Variants in PARP15 observed in about 807,000 individuals in gnomAD.
PARP15 encodes protein mono-ADP-ribosyltransferase PARP15.
PARP15 carries 50 observed loss-of-function variants against 62.1 expected under a neutral mutation model. That is an observed-to-expected ratio of 0.81 (90% CI 0.64 to 1.02). The LOEUF (loss-of-function observed/expected upper bound fraction) is 1.02. Among genes scored for constraint, PARP15 ranks in the 50% least tolerant of loss-of-function variants. PARP15 has a pLI of 0.00. For synonymous variants in PARP15, 309 were observed against 293.1 expected (o/e 1.05, Z -0.55); for missense variants, 820 against 826.5 (o/e 0.99, Z 0.10).
chr3:122,593,748 A>G (rs1427866630), intron 1 of PARP15, among the ~76,000 whole-genome samples: 1 of 152,128 alleles, frequency 6.6e-6, no homozygotes, highest in Admixed American at 6.6e-5. Context: ...CACCTGCCCC[A>G]AACTGGGAAA....
At chr3:122,603,716 G>T (rs1934971247) in intron 1 of PARP15, among the ~76,000 whole-genome samples, 1 of 152,142 alleles carries the variant, frequency 6.6e-6, no homozygotes, top group Admixed American at 6.5e-5. Context: ...GTATTCTCTG[G>T]GTGGGAGATC....
chr3:122,581,445 G>A (rs2080800039), intron 1 of PARP15, among the ~76,000 whole-genome samples: 1 of 152,012 alleles, frequency 6.6e-6, no homozygotes, highest in Non-Finnish European at 1.5e-5. Context: ...CCATCCTAAT[G>A]GGTATGAGGT....
intron 4 of PARP15, chr3:122,615,327 A>G (rs1432183848): frequency 1.5e-6 from 2 of 1,290,966 alleles, no homozygotes; most frequent in Admixed American, 2.3e-5. Context: ...TACTGTATGT[A>G]TTTGTTGTTA....
intron 2 of PARP15, among the ~76,000 whole-genome samples, chr3:122,608,156 T>C (rs931091883): frequency 3.3e-5 from 5 of 152,000 alleles, no homozygotes; most frequent in African/African-American, 9.7e-5. Context: ...TTTAGCTAAA[T>C]TTGGACTACT....
In PARP15 at chr3:122,636,279, G is replaced by A; in HGVS notation, c.*179G>A. The A allele has an allele frequency of 1.7e-6, 1 of 603,292 alleles. No homozygotes were observed. The highest frequency in any genetic ancestry group is 2.9e-6 in the Non-Finnish European group (1 of 350,810). 37.4% of individuals were successfully genotyped at this position (603,292 alleles called of 1,614,324 possible). A position where few individuals can be genotyped will look rare whatever the true frequency, so the allele number is the denominator to read the frequency against. ...ATTTGTAGCATACCTTTTTTTCTCA[G>A]CAAATTGATGGGTGGAAGCTGAGAA... On this transcript the variant is annotated 3_prime_UTR_variant, in exon 12 of 12. Coordinates refer to ENST00000464300, the MANE Select transcript of PARP15 (RefSeq NM_001113523.3).
intron 1 of PARP15, among the ~76,000 whole-genome samples, chr3:122,587,192 A>G (rs1390946090): frequency 6.6e-6 from 1 of 152,226 alleles, no homozygotes; most frequent in Non-Finnish European, 1.5e-5. Context: ...GTATCCATTC[A>G]CCTACTGCAG....
At chr3:122,585,756 A>G (rs903251768) in intron 1 of PARP15, among the ~76,000 whole-genome samples, 2 of 152,234 alleles carry the variant, frequency 1.3e-5, no homozygotes, top group Admixed American at 6.5e-5. Flanking sequence ...TTGATTTATC[A>G]CATGGACTCC....
At chr3:122,621,646 T>G in intron 8 of PARP15, 35 bp downstream of exon 8, 1 of 1,538,948 alleles carries the variant, frequency 6.5e-7, no homozygotes, top group East Asian at 2.3e-5. Context: ...AAAATTTGAG[T>G]GATACAAATT....
intron 1 of PARP15, among the ~76,000 whole-genome samples, chr3:122,590,652 T>G (rs1249350748): frequency 8.8e-6 from 1 of 113,944 alleles, no homozygotes; most frequent in East Asian, 2.2e-4. Flanking sequence ...TTACTACTTC[T>G]AAGGAGAGTG....
intron 1 of PARP15, among the ~76,000 whole-genome samples, chr3:122,583,407 G>A (rs6772212): frequency 0.37 from 56,384 of 151,676 alleles, 10,911 homozygotes; most frequent in Admixed American, 0.46. Flanking sequence ...GATTACAGGC[G>A]TGAGCCACCA....
intron 1 of PARP15, among the ~76,000 whole-genome samples, chr3:122,592,629 A>G (rs77930329): frequency 6.6e-6 from 1 of 152,102 alleles, no homozygotes; most frequent in Admixed American, 6.5e-5. Context: ...AAAAAAAAAA[A>G]AAGAAAACCA....
At chr3:122,584,972 C>T (rs944573249) in intron 1 of PARP15, among the ~76,000 whole-genome samples, 3 of 151,914 alleles carry the variant, frequency 2.0e-5, no homozygotes, top group African/African-American at 7.2e-5. Flanking sequence ...TGGTTTTTTT[C>T]CTTAAACCTA....
At chr3:122,630,704 A>G (rs1937014335) in intron 9 of PARP15, among the ~76,000 whole-genome samples, 1 of 152,094 alleles carries the variant, frequency 6.6e-6, no homozygotes, top group Non-Finnish European at 1.5e-5. Flanking sequence ...ATTAATAATA[A>G]TATACAAATA....
chr3:122,584,574 CTT>C (rs1295988177), intron 1 of PARP15, among the ~76,000 whole-genome samples: 1 of 136,636 alleles, frequency 7.3e-6, no homozygotes, highest in Non-Finnish European at 1.5e-5. Context: ...CATTTCTTTC[CTT>C]TTTTTTTTTT....
chr3:122,631,045 C>T (rs558637937), intron 9 of PARP15, among the ~76,000 whole-genome samples: 2 of 152,234 alleles, frequency 1.3e-5, no homozygotes, highest in South Asian at 2.1e-4. Context: ...ATAGAAGGCC[C>T]CCAAAAAACC....
intron 1 of PARP15, among the ~76,000 whole-genome samples, chr3:122,581,189 T>G (rs975505485): frequency 1.3e-5 from 2 of 152,184 alleles, no homozygotes; most frequent in African/African-American, 4.8e-5. Context: ...CTGTATCTCT[T>G]CAAGATCCTG....
intron 4 of PARP15, among the ~76,000 whole-genome samples, 186 bp downstream of exon 4, chr3:122,613,454 T>A (rs1420871131): frequency 6.6e-6 from 1 of 152,214 alleles, no homozygotes; most frequent in Non-Finnish European, 1.5e-5. Flanking sequence ...AGACAGTTCA[T>A]CAAGAGACAA....
intron 1 of PARP15, among the ~76,000 whole-genome samples, chr3:122,578,342 C>G: frequency 6.6e-6 from 1 of 152,126 alleles, no homozygotes; most frequent in South Asian, 2.1e-4. Context: ...TTCACTCATG[C>G]TTGCTTCTAG....
At chr3:122,632,051 G>A in intron 9 of PARP15, 35 bp from the exon 10 acceptor site, 1 of 1,613,618 alleles carries the variant, frequency 6.2e-7, no homozygotes, top group Non-Finnish European at 8.5e-7. Context: ...CTTTGGAAAT[G>A]AATGTTGTGT....
Sources: gnomAD v4.1 joint callset for allele counts (sites outside exome capture counted in the v4.1 genomes callset) on GRCh38, gnomAD v4.1.1 for gene constraint, MANE v1.5 for transcripts, NCBI Gene and HGNC (gene_info 2026-07-23, HGNC 2026-07-21) for gene names.